The following ELAVL1 variants were observed in gnomAD, a reference collection of about 807,000 sequenced individuals.
The protein encoded by ELAVL1 is ELAV like RNA binding protein 1, also known as ELAV-like protein 1.
A neutral mutation model predicts 28.4 loss-of-function variants in ELAVL1; 1 was observed. The observed-to-expected ratio is 0.04, with a 90% CI of 0.01 to 0.17. The LOEUF (loss-of-function observed/expected upper bound fraction) is 0.17, where lower values mean the gene tolerates loss of function less well. Among genes scored for constraint, ELAVL1 ranks in the 10% least tolerant of loss-of-function variants. ELAVL1 has a pLI of 1.00. For missense variants in ELAVL1, 157 were observed against 447.2 expected, an observed-to-expected ratio of 0.35 and a Z score of 5.85; for synonymous variants, 174 against 183.5, an observed-to-expected ratio of 0.95 and a Z score of 0.42.
At position 7,963,459 on chromosome 19, in the gene ELAVL1, C is replaced by T. The variant is rs1984866984; in HGVS notation, c.*24G>A. On this transcript the variant is annotated 3_prime_UTR_variant, in exon 6 of 6. Transcript: ENST00000407627. This position sits in a 1 kb window ranked among gnomAD's most constrained non-coding sequence, Gnocchi z 4.5. ...CTCCTTCACTCTTAATTATCTATTC[C>T]GTACAAAAAAAAGCATGAGCGAGTT... 3.8e-6 allele frequency: 6 copies of T among 1,591,718 alleles called. No individual in the cohort carries two copies. Among genetic ancestry groups the T allele is most frequent in the South Asian group, 2.3e-5 (2 of 88,606 alleles).
At chr19:7,966,869 T>C (rs1984968625) in intron 5 of ELAVL1, among the ~76,000 whole-genome samples, 1 of 152,024 alleles carries the variant, frequency 6.6e-6, no homozygotes, top group Non-Finnish European at 1.5e-5. Context: ...TCCTCCTAAC[T>C]CGGCCTCCTG....
In ELAVL1 at chr19:7,967,771, C is replaced by G; in HGVS notation, c.450G>C (p.Ala150=). The change falls in exon 5 of 6, where the codon GCG becomes GCC. Residue 150 remains alanine (A), a synonymous_variant. Transcript: ENST00000407627. ...CCGACCGTTTGTCAAACCGGATAAA[C>G]GCAACCCCTCTGGACAAACCTTTTC... ...DQTTGLSRGV[A]FIRFDKRSEA... 6.2e-7 allele frequency: 1 copy of G among 1,614,142 alleles called. No individual in the cohort carries two copies. Among genetic ancestry groups the G allele is most frequent in the Non-Finnish European group, 8.5e-7 (1 of 1,179,998 alleles).
At chr19:7,993,628 C>T (rs1405423673) in intron 1 of ELAVL1, among the ~76,000 whole-genome samples, 3 of 152,110 alleles carry the variant, frequency 2.0e-5, no homozygotes. Flanking sequence ...GCTGAAAGTG[C>T]GCCGCACACT....
rs1984749675 is a variant in ELAVL1 at position 7,959,604 on chromosome 19, G to A, written c.*3879C>T. On this transcript the variant is annotated 3_prime_UTR_variant, in exon 6 of 6. Coordinates refer to ENST00000407627, the MANE Select transcript of ELAVL1 (RefSeq NM_001419.3). ...AGAAACCTGAACGATGTCACTGAAA[G>A]GTTGTAGAAAAATAGGATCCAGCCA... 2 of 152,160 alleles carry A rather than the reference G, an allele frequency of 1.3e-5. No homozygotes were observed. The highest frequency in any genetic ancestry group is 4.8e-5 in the African/African-American group (2 of 41,434). The allele number at this position is 152,160 out of a possible 1,614,324, so 9.4% of individuals were successfully genotyped here. A position where few individuals can be genotyped will look rare whatever the true frequency, so the allele number is the denominator to read the frequency against.
Position 7,962,582 on chromosome 19 carries a change from G to A in ELAVL1, c.*901C>T, listed in dbSNP as rs1568305889. ...GATGCGAGAAATACAATGCTCAAAT[G>A]TTTCTGTGTTATTAAAATACAGAGC... On this transcript the variant is annotated 3_prime_UTR_variant, in exon 6 of 6. Coordinates refer to ENST00000407627, the MANE Select transcript of ELAVL1 (RefSeq NM_001419.3). The A allele has an allele frequency of 6.6e-6, 1 of 152,614 alleles. No individual in the cohort carries two copies. Among genetic ancestry groups the A allele is most frequent in the Non-Finnish European group, 1.5e-5 (1 of 68,048 alleles). The allele number at this position is 152,614 out of a possible 1,614,324, so 9.5% of individuals were successfully genotyped here.
intron 4 of ELAVL1, chr19:7,973,178 T>G (rs1337180876): frequency 6.5e-6 from 1 of 153,804 alleles, no homozygotes; most frequent in East Asian, 1.9e-4. Context: ...GGGAAGGTGC[T>G]AGAATCTCTT....
intron 2 of ELAVL1, among the ~76,000 whole-genome samples, chr19:7,984,614 G>T (rs553605670): frequency 6.6e-6 from 1 of 152,304 alleles, no homozygotes; most frequent in African/African-American, 2.4e-5. Context: ...CCACCCAGAG[G>T]ACAGGTAGTG....
At position 7,963,865 on chromosome 19, in the gene ELAVL1, G is replaced by T; in HGVS notation, c.657-58C>A. On this transcript the variant is annotated intron_variant, in intron 5 of 5. Transcript: ENST00000407627. This position sits in a 1 kb window ranked among gnomAD's most constrained non-coding sequence, Gnocchi z 4.5. Reference sequence around the variant, plus strand: ...TCAGCGCAGGCGGCCTGGGGATGGGGCAAGGCCTGGACGCATGCTGACCAT... The same window carrying T: ...TCAGCGCAGGCGGCCTGGGGATGGGTCAAGGCCTGGACGCATGCTGACCAT... 6.4e-7 allele frequency: 1 copy of T among 1,556,046 alleles called. No individual in the cohort carries two copies. Among genetic ancestry groups the T allele is most frequent in the Non-Finnish European group, 8.7e-7 (1 of 1,148,100 alleles).
chr19:7,978,588 G>A (rs1376259670), intron 3 of ELAVL1, among the ~76,000 whole-genome samples: 1 of 152,176 alleles, frequency 6.6e-6, no homozygotes, highest in Non-Finnish European at 1.5e-5. Flanking sequence ...GACCCTCCCT[G>A]TGTGGCTCTT....
chr19:7,959,540 G>A lies in ELAVL1; in HGVS notation c.*3943C>T, dbSNP rs960831644. The A allele has an allele frequency of 6.6e-6, 1 of 151,808 alleles. No individual in the cohort carries two copies. Among genetic ancestry groups the A allele is most frequent in the African/African-American group, 2.4e-5 (1 of 41,308 alleles). The allele number at this position is 151,808 out of a possible 1,614,324, so 9.4% of individuals were successfully genotyped here. On this transcript the variant is annotated 3_prime_UTR_variant, in exon 6 of 6. Transcript: ENST00000407627. ...CTTAGGTACTGGCGGTGACTTACAA[G>A]TGAGAAAAAAAAAATTTGTTTTTTT...
intron 1 of ELAVL1, among the ~76,000 whole-genome samples, chr19:8,002,830 G>C (rs2145232542): frequency 6.6e-6 from 1 of 152,216 alleles, no homozygotes; most frequent in South Asian, 2.1e-4. Context: ...TACGTGCAGG[G>C]GCGGGGAGGG....
chr19:7,973,572 TC>T, intron 4 of ELAVL1, 152 bp downstream of exon 4: 1 of 1,020,748 alleles, frequency 9.8e-7, no homozygotes, highest in Non-Finnish European at 1.4e-6. Flanking sequence ...CTCAGCCTCC[TC>T]AAACCAAAGC....
At chr19:7,987,122 G>GC (rs951114025) in intron 2 of ELAVL1, among the ~76,000 whole-genome samples, 2 of 149,410 alleles carry the variant, frequency 1.3e-5, no homozygotes, top group Non-Finnish European at 3.0e-5. Flanking sequence ...GTGCCGGGGG[G>GC]GGGGGAGGGT....
intron 2 of ELAVL1, among the ~76,000 whole-genome samples, chr19:7,989,259 C>T (rs970088693): frequency 3.3e-5 from 5 of 152,180 alleles, no homozygotes; most frequent in African/African-American, 1.2e-4. Flanking sequence ...GCAGCATGTT[C>T]TCCGTAAAGC....
intron 3 of ELAVL1, among the ~76,000 whole-genome samples, chr19:7,980,034 G>A (rs879872402): frequency 1.3e-5 from 2 of 152,192 alleles, no homozygotes; most frequent in Admixed American, 6.5e-5. Context: ...GTCCAAGAGG[G>A]ACCCTTCAGG....
At chr19:7,990,971 T>C (rs1234661704) in intron 2 of ELAVL1, among the ~76,000 whole-genome samples, 1 of 151,980 alleles carries the variant, frequency 6.6e-6, no homozygotes, top group African/African-American at 2.4e-5. Flanking sequence ...ACCTACGAGG[T>C]AGGGACCACC....
At chr19:7,995,412 G>A (rs1985850665) in intron 1 of ELAVL1, among the ~76,000 whole-genome samples, 1 of 152,154 alleles carries the variant, frequency 6.6e-6, no homozygotes. Flanking sequence ...GGCTGTCCCA[G>A]GCTTACTGTC....
chr19:8,005,526 C>A lies in ELAVL1; in HGVS notation c.-48G>T. On this transcript the variant is annotated 5_prime_UTR_variant, in exon 1 of 6. Coordinates refer to ENST00000407627, the MANE Select transcript of ELAVL1 (RefSeq NM_001419.3). ...GCGGGCGGGCGGGCCCGGGGCTGCT[C>A]CGGGGCGGGCGGGAGGCGGCGGCGG... is the stretch of plus-strand genomic sequence containing the variant. 1 of 147,690 alleles carries A rather than the reference C, an allele frequency of 6.8e-6. No homozygotes were observed. The highest frequency in any genetic ancestry group is 1.8e-4 in the South Asian group (1 of 5,658). 9.1% of individuals were successfully genotyped at this position (147,690 alleles called of 1,614,324 possible).
At chr19:7,997,487 G>C (rs1046519305) in intron 1 of ELAVL1, among the ~76,000 whole-genome samples, 4 of 152,140 alleles carry the variant, frequency 2.6e-5, no homozygotes, top group Non-Finnish European at 4.4e-5. Flanking sequence ...TAGGGAGTGA[G>C]GGGAAAAGTC....
Sources: allele counts gnomAD v4.1 joint callset (sites outside exome capture counted in the v4.1 genomes callset), GRCh38; gene constraint gnomAD v4.1.1; non-coding constraint Gnocchi (gnomAD v3.1); transcripts MANE v1.5; gene names NCBI Gene and HGNC (gene_info 2026-07-23, HGNC 2026-07-21).